Variants in SOCS4 observed in about 807,000 individuals in gnomAD.
SOCS4 encodes SH2 domain containing SOCS box protein.
A neutral mutation model predicts 34.1 loss-of-function variants in SOCS4; 20 were observed. The observed-to-expected ratio is 0.59, with a 90% CI of 0.41 to 0.85. The LOEUF is 0.85. Among genes scored for constraint, SOCS4 ranks in the 40% least tolerant of loss-of-function variants. The pLI is 0.00. For synonymous variants in SOCS4, 180 were observed against 186.4 expected (o/e 0.97, Z 0.28); for missense variants, 479 against 532.4 (o/e 0.90, Z 0.99).
Position 55,049,246 on chromosome 14 carries a change from T to G in SOCS4, c.*4882T>G, listed in dbSNP as rs1484236031. On this transcript the variant is annotated 3_prime_UTR_variant, in exon 3 of 3. Coordinates refer to ENST00000555846, the MANE Select transcript of SOCS4 (RefSeq NM_199421.2). ...TTAAATTATGCTGACTTTGCTAGAA[T>G]TGGATAAATTCTGTATAAGCCAAGT... is the stretch of plus-strand genomic sequence containing the variant. The G allele has an allele frequency of 6.0e-6, 1 of 167,118 alleles. No individual in the cohort carries two copies. 10.4% of individuals were successfully genotyped at this position (167,118 alleles called of 1,614,324 possible).
chr14:55,038,645 T>A (rs2042592972), intron 2 of SOCS4, among the ~76,000 whole-genome samples: 1 of 152,222 alleles, frequency 6.6e-6, no homozygotes, highest in African/African-American at 2.4e-5. Flanking sequence ...CTGTGTCTGG[T>A]ATTTAAAGTC....
chr14:55,030,798 CA>C (rs1421087930), intron 1 of SOCS4, among the ~76,000 whole-genome samples: 4 of 152,136 alleles, frequency 2.6e-5, no homozygotes, highest in African/African-American at 9.7e-5. Flanking sequence ...TTGTAGCCCA[CA>C]TTTGACAGTT....
Position 55,028,554 on chromosome 14 carries a change from G to A in SOCS4, c.-220+1083G>A, listed in dbSNP as rs191092851. Among the ~76,000 whole-genome samples, 354 of 152,138 alleles carry A rather than the reference G, an allele frequency of 2.3e-3. 1 individual carries two copies. The highest frequency in any genetic ancestry group is 4.7e-3 in the Admixed American group (72 of 15,274). On this transcript the variant is annotated intron_variant, in intron 1 of 2. Coordinates refer to ENST00000555846, the MANE Select transcript of SOCS4 (RefSeq NM_199421.2). ...TATTCGTCTCTATGTTGAATAAAGC[G>A]TGGTGAGATTTCTGGTTAGTACTAT...
At chr14:55,033,270 ATTAAG>A (rs903765879) in intron 2 of SOCS4, among the ~76,000 whole-genome samples, 2 of 152,208 alleles carry the variant, frequency 1.3e-5, no homozygotes, top group South Asian at 2.1e-4. Context: ...TCTCACTAAA[ATTAAG>A]TTATTTTTAT....
At chr14:55,035,875 A>T (rs1477448894) in intron 2 of SOCS4, among the ~76,000 whole-genome samples, 1 of 151,894 alleles carries the variant, frequency 6.6e-6, no homozygotes, top group Non-Finnish European at 1.5e-5. Context: ...TTTAATAAAA[A>T]TTGGCCATTT....
Position 55,043,123 on chromosome 14 carries a change from G to A in SOCS4, c.82G>A (p.Asp28Asn), listed in dbSNP as rs1424641521. Residue 28 changes from aspartate to asparagine, a missense_variant, in exon 3 of 3, where the codon GAC becomes AAC. Coordinates refer to ENST00000555846, the MANE Select transcript of SOCS4 (RefSeq NM_199421.2). ...TCGGAGCAGAAGTGCCGACAGAAAA[G>A]ACGGTTATGTGTGGAGTGGAAAGAA... ...TSRSRSADRKDGYVWSGKKLS... is the reference protein window; with the variant it reads ...TSRSRSADRKNGYVWSGKKLS... 2 of 1,614,234 alleles carry A rather than the reference G, an allele frequency of 1.2e-6. No individual in the cohort carries two copies. Among genetic ancestry groups the A allele is most frequent in the Non-Finnish European group, 1.7e-6 (2 of 1,180,044 alleles).
chr14:55,027,555 A>G (rs976790092), intron 1 of SOCS4, 84 bp downstream of exon 1: 2 of 152,666 alleles, frequency 1.3e-5, no homozygotes, highest in African/African-American at 4.8e-5. Flanking sequence ...CCAGGAAACA[A>G]TATCCGGATC....
At chr14:55,034,095 T>C (rs1281727827) in intron 2 of SOCS4, among the ~76,000 whole-genome samples, 1 of 152,156 alleles carries the variant, frequency 6.6e-6, no homozygotes, top group Admixed American at 6.5e-5. Flanking sequence ...ATCGCACTGC[T>C]GCACTCCACC....
rs765273425 is a variant in SOCS4, at chr14:55,043,636, A to C, written c.595A>C (p.Thr199Pro). 1.2e-6 allele frequency: 2 copies of C among 1,614,096 alleles called. No homozygotes were observed. The highest frequency in any genetic ancestry group is 2.7e-5 in the African/African-American group (2 of 74,942). The change falls in exon 3 of 3, where the codon ACC becomes CCC. Residue 199 changes from threonine to proline, a missense_variant. Thr to Pro is a conservative substitution (Grantham distance 38, BLOSUM62 -1). Transcript: ENST00000555846. ...TACCAATGTTCAGCCCTGTGTCATA[A>C]CCACCGACAATGCTTTGTGTAGAGA... ...SHTNVQPCVI[T>P]TDNALCREGP...
rs1293447794 is a variant in SOCS4, at chr14:55,045,357, G to A, written c.*993G>A. ...ACAAATTTCCACTGGTAACCAAAGA[G>A]TACCTAAGTAGTTTTTCATTATTTT... On this transcript the variant is annotated 3_prime_UTR_variant, in exon 3 of 3. Coordinates refer to ENST00000555846, the MANE Select transcript of SOCS4 (RefSeq NM_199421.2). 6.0e-6 allele frequency: 1 copy of A among 166,902 alleles called. No individual in the cohort carries two copies. The highest frequency in any genetic ancestry group is 1.5e-5 in the Non-Finnish European group (1 of 68,018). 10.3% of individuals were successfully genotyped at this position (166,902 alleles called of 1,614,324 possible).
At position 55,043,605 on chromosome 14, in the gene SOCS4, C is replaced by T; in HGVS notation, c.564C>T (p.Phe188=). ...ATATGGAAGAAAATATAAACTGTTT[C>T]TCACATACCAATGTTCAGCCCTGTG... is the stretch of plus-strand genomic sequence containing the variant. The part of the protein sequence containing the change: ...RRNMEENINC[F]SHTNVQPCVI... The change falls in exon 3 of 3, where the codon TTC becomes TTT. Residue 188 remains phenylalanine, a synonymous_variant. Transcript: ENST00000555846. 6.2e-7 allele frequency: 1 copy of T among 1,614,172 alleles called. No homozygotes were observed. Among genetic ancestry groups the T allele is most frequent in the Non-Finnish European group, 8.5e-7 (1 of 1,180,026 alleles).
intron 1 of SOCS4, among the ~76,000 whole-genome samples, chr14:55,031,602 C>T (rs2042529462): frequency 6.6e-6 from 1 of 151,942 alleles, no homozygotes; most frequent in African/African-American, 2.4e-5. Flanking sequence ...CATAAGCAAA[C>T]TATAATTAGG....
chr14:55,037,519 A>G (rs1398557706), intron 2 of SOCS4, among the ~76,000 whole-genome samples: 1 of 150,316 alleles, frequency 6.7e-6, no homozygotes, highest in African/African-American at 2.5e-5. Context: ...TTTAGAAGGA[A>G]TTTCACTCTT....
chr14:55,041,569 C>T (rs981656438), intron 2 of SOCS4, among the ~76,000 whole-genome samples: 43 of 151,576 alleles, frequency 2.8e-4, no homozygotes, highest in Non-Finnish European at 5.2e-4. Context: ...ACCTCTGCCT[C>T]CCGGGTTCAA....
chr14:55,037,500 T>C (rs976557228), intron 2 of SOCS4, among the ~76,000 whole-genome samples: 1 of 151,592 alleles, frequency 6.6e-6, no homozygotes, highest in African/African-American at 2.4e-5. Flanking sequence ...TCTTTTTTTT[T>C]ATTTTTTTTT....
chr14:55,043,310 C>A lies in SOCS4; in HGVS notation c.269C>A (p.Ser90Tyr). The A allele has an allele frequency of 6.2e-7, 1 of 1,614,218 alleles. No individual in the cohort carries two copies. The highest frequency in any genetic ancestry group is 8.5e-7 in the Non-Finnish European group (1 of 1,180,028). The change falls in exon 3 of 3, where the codon TCT becomes TAT. Residue 90 changes from serine to tyrosine, a missense_variant. Ser to Tyr is a moderately radical substitution (Grantham distance 144). Transcript: ENST00000555846. ...HSCGHRFLGR[S>Y]LKQKLQDAVG... ...TGTGGGCATCGATTTTTAGGCCGAT[C>A]TCTTAAACAGAAACTGCAAGATGCC...
chr14:55,042,267 A>G (rs1379766643), intron 2 of SOCS4, among the ~76,000 whole-genome samples: 1 of 152,248 alleles, frequency 6.6e-6, no homozygotes, highest in East Asian at 1.9e-4. Flanking sequence ...GATCAAGAAT[A>G]CAAATGAGTA....
At chr14:55,039,391 T>C (rs1261468633) in intron 2 of SOCS4, among the ~76,000 whole-genome samples, 3 of 152,050 alleles carry the variant, frequency 2.0e-5, no homozygotes, top group African/African-American at 7.2e-5. Context: ...CAAGCCATGA[T>C]TGCACCACTG....
At chr14:55,031,520 T>G (rs2042528826) in intron 1 of SOCS4, among the ~76,000 whole-genome samples, 1 of 152,172 alleles carries the variant, frequency 6.6e-6, no homozygotes, top group Non-Finnish European at 1.5e-5. Context: ...AAGAGAACCT[T>G]TTTTTCTCCA....
Sources: allele counts gnomAD v4.1 joint callset (sites outside exome capture counted in the v4.1 genomes callset), GRCh38; gene constraint gnomAD v4.1.1; transcripts MANE v1.5; gene names NCBI Gene and HGNC (gene_info 2026-07-23, HGNC 2026-07-21).